Variants in TULP4 observed in about 807,000 individuals in gnomAD.
TULP4 encodes the protein TUB like protein 4.
Under a neutral mutation model 129.0 loss-of-function variants are expected in TULP4, and 16 were observed. The observed-to-expected ratio is 0.12, with a 90% CI of 0.08 to 0.19. TULP4 has a LOEUF of 0.19. Ranked by LOEUF, TULP4 falls within the 10% of genes least tolerant of loss-of-function variation. The pLI is 1.00. For synonymous variants in TULP4, 998 were observed against 854.0 expected, an observed-to-expected ratio of 1.17 and a Z score of -2.94; for missense variants, 1,842 against 2,059.1, an observed-to-expected ratio of 0.89 and a Z score of 2.04.
intron 1 of TULP4, among the ~76,000 whole-genome samples, chr6:158,338,321 C>T (rs1714950898): frequency 6.6e-6 from 1 of 152,088 alleles, no homozygotes; most frequent in Admixed American, 6.5e-5. Flanking sequence ...CCACCCAGCC[C>T]AAATTATACT....
intron 1 of TULP4, among the ~76,000 whole-genome samples, chr6:158,368,666 A>G (rs1776999861): frequency 6.6e-6 from 1 of 152,234 alleles, no homozygotes; most frequent in Non-Finnish European, 1.5e-5. Flanking sequence ...TCGTCTTAAA[A>G]GAGGAATGGA....
intron 1 of TULP4, among the ~76,000 whole-genome samples, chr6:158,267,205 A>C (rs902966190): frequency 6.6e-6 from 1 of 152,192 alleles, no homozygotes; most frequent in African/African-American, 2.4e-5. Flanking sequence ...TAACCCATTC[A>C]TCTGGGTTTT....
chr6:158,241,213 A>G lies in TULP4; in HGVS notation n.68+8910A>G, dbSNP rs1215205761. ...TGGCGGCTGGGAAGAGGCGCTCCTC[A>G]CTTCCTAGATGGGATGGCGGCCGGG... On this transcript the variant is annotated intron_variant and non_coding_transcript_variant, in intron 1 of 1. Transcript: ENST00000620026. 2.1e-3 allele frequency among the ~76,000 whole-genome samples: 252 copies of G among 121,742 alleles called. 3 individuals carry two copies. The highest frequency in any genetic ancestry group is 6.3e-3 in the African/African-American group (222 of 35,480). 79.9% of individuals were successfully genotyped at this position (121,742 alleles called of 152,430 possible).
chr6:158,258,152 C>CA (rs1057012007), intron 1 of TULP4, among the ~76,000 whole-genome samples: 1 of 151,996 alleles, frequency 6.6e-6, no homozygotes, highest in African/African-American at 2.4e-5. Flanking sequence ...TCAACTAACA[C>CA]AAAAAAAGGG....
At chr6:158,388,065 A>T (rs1777491255) in intron 1 of TULP4, among the ~76,000 whole-genome samples, 3 of 152,204 alleles carry the variant, frequency 2.0e-5, no homozygotes, top group Admixed American at 6.5e-5. Flanking sequence ...TATTTAGTAC[A>T]TATTAACATA....
intron 3 of TULP4, among the ~76,000 whole-genome samples, chr6:158,441,168 C>G (rs1363209713): frequency 7.2e-5 from 11 of 151,922 alleles, no homozygotes; most frequent in Admixed American, 7.2e-4. Context: ...TACAAAATTA[C>G]CCAGGCACGA....
intron 8 of TULP4, among the ~76,000 whole-genome samples, chr6:158,484,912 T>G (rs900003106): frequency 2.6e-5 from 4 of 152,240 alleles, no homozygotes; most frequent in Non-Finnish European, 5.9e-5. Flanking sequence ...CTAATACAGA[T>G]TTTGGATCCA....
intron 1 of TULP4, among the ~76,000 whole-genome samples, chr6:158,261,550 A>T (rs1778352538): frequency 6.6e-6 from 1 of 152,242 alleles, no homozygotes; most frequent in African/African-American, 2.4e-5. Flanking sequence ...TTATTCAAAT[A>T]CTTAATGAAC....
chr6:158,345,490 T>TA (rs1780280479), intron 1 of TULP4, among the ~76,000 whole-genome samples: 1 of 152,230 alleles, frequency 6.6e-6, no homozygotes, highest in African/African-American at 2.4e-5. Flanking sequence ...AGAGGAATTT[T>TA]ACAGCTGGGC....
upstream of TULP4, among the ~76,000 whole-genome samples, chr6:158,307,798 G>A (rs1034979154): frequency 1.3e-5 from 2 of 151,766 alleles, no homozygotes; most frequent in African/African-American, 4.8e-5. Context: ...CATCTTTGTT[G>A]GTCATTTGGA....
chr6:158,376,423 GC>G (rs1287621671), intron 1 of TULP4, among the ~76,000 whole-genome samples: 1 of 152,132 alleles, frequency 6.6e-6, no homozygotes, highest in Non-Finnish European at 1.5e-5. Flanking sequence ...GGCCTCTTCC[GC>G]ATCCCCGGCT....
At chr6:158,435,965 C>A (rs536731447) in intron 3 of TULP4, among the ~76,000 whole-genome samples, 2 of 151,596 alleles carry the variant, frequency 1.3e-5, no homozygotes, top group South Asian at 4.2e-4. Flanking sequence ...CTCGCTCTGT[C>A]GCCCAGTGGC....
intron 3 of TULP4, among the ~76,000 whole-genome samples, chr6:158,441,479 A>G (rs1778897278): frequency 6.6e-6 from 1 of 152,200 alleles, no homozygotes; most frequent in South Asian, 2.1e-4. Context: ...GTTTTGACAC[A>G]GGGATCTTGC....
chr6:158,282,123 A>G (rs1778765490), upstream of TULP4: 1 of 152,160 alleles, frequency 6.6e-6, no homozygotes, highest in African/African-American at 2.4e-5. Flanking sequence ...GGTGCTTTAT[A>G]TTCTTCTCGG....
intron 1 of TULP4, among the ~76,000 whole-genome samples, chr6:158,362,405 AG>A (rs1448839948): frequency 6.6e-6 from 1 of 151,874 alleles, no homozygotes; most frequent in Non-Finnish European, 1.5e-5. Flanking sequence ...GCTGGAGTGC[AG>A]TGATGCAGTC....
At chr6:158,471,790 A>C (rs1006619420) in intron 6 of TULP4, among the ~76,000 whole-genome samples, 7 of 148,408 alleles carry the variant, frequency 4.7e-5, no homozygotes, top group Admixed American at 4.0e-4. Context: ...GTACTTAGTA[A>C]ATCTTTCTTC....
At chr6:158,280,334 A>G (rs2128466077), upstream of TULP4, among the ~76,000 whole-genome samples, 1 of 152,296 alleles carries the variant, frequency 6.6e-6, no homozygotes, top group African/African-American at 2.4e-5. Flanking sequence ...TGATATTTCA[A>G]CTGATCATTT....
chr6:158,299,841 T>G (rs1181274944), intron 1 of TULP4, among the ~76,000 whole-genome samples: 1 of 152,132 alleles, frequency 6.6e-6, no homozygotes, highest in African/African-American at 2.4e-5. Context: ...GGGAAACTGG[T>G]AAGACAAAGT....
At chr6:158,258,896 A>C (rs1339474880) in intron 1 of TULP4, among the ~76,000 whole-genome samples, 1 of 152,232 alleles carries the variant, frequency 6.6e-6, no homozygotes, top group Non-Finnish European at 1.5e-5. Flanking sequence ...GGGTAGCTTG[A>C]CATGGGATAT....
Sources: gnomAD v4.1 joint callset for allele counts (sites outside exome capture counted in the v4.1 genomes callset) on GRCh38, gnomAD v4.1.1 for gene constraint, MANE v1.5 for transcripts, NCBI Gene and HGNC (gene_info 2026-07-23, HGNC 2026-07-21) for gene names.